The following LNP1 variants were observed in gnomAD, a reference collection of about 807,000 sequenced individuals.
LNP1 encodes leukemia NUP98 fusion partner 1.
Under a neutral mutation model 14.5 loss-of-function variants are expected in LNP1, and 12 were observed. The observed-to-expected ratio is 0.83, with a 90% CI of 0.53 to 1.34. The LOEUF (loss-of-function observed/expected upper bound fraction) is 1.34. LNP1 is among the 40% of genes most tolerant of loss of function. LNP1 has a pLI of 0.00. For synonymous variants in LNP1, 75 were observed against 71.4 expected, an observed-to-expected ratio of 1.05 and a Z score of -0.26; for missense variants, 198 against 210.9, an observed-to-expected ratio of 0.94 and a Z score of 0.38.
chr3:100,418,348 A>G (rs1707108822), intron 1 of LNP1, among the ~76,000 whole-genome samples: 1 of 151,406 alleles, frequency 6.6e-6, no homozygotes, highest in Admixed American at 6.6e-5. Context: ...ATGAGCCACC[A>G]TGCTCCGCTT....
intron 2 of LNP1, among the ~76,000 whole-genome samples, chr3:100,431,514 A>C (rs1707241655): frequency 6.6e-6 from 1 of 152,214 alleles, no homozygotes; most frequent in South Asian, 2.1e-4. Flanking sequence ...AAAAGTTAAA[A>C]ATATGACTGA....
intron 1 of LNP1, among the ~76,000 whole-genome samples, chr3:100,408,811 G>T (rs557447924): frequency 6.6e-6 from 1 of 152,230 alleles, no homozygotes; most frequent in African/African-American, 2.4e-5. Flanking sequence ...TGTGCTGCCT[G>T]GTCTTGGGGG....
In LNP1 at chr3:100,431,990, GTTTATATATATATA is replaced by G. The variant is rs1250423935; in HGVS notation, c.156+2107_156+2120del. ...AACCTGGGTAACAGAATGAGACCTT[GTTTATATATATATA>G]TATATATATATATATATATATATAT... On this transcript the variant is annotated intron_variant, in intron 2 of 3. Coordinates refer to ENST00000383693, the MANE Select transcript of LNP1 (RefSeq NM_001085451.2). 2.2e-4 allele frequency among the ~76,000 whole-genome samples: 21 copies of G among 94,950 alleles called. 1 individual carries two copies. Among genetic ancestry groups the G allele is most frequent in the African/African-American group, 9.8e-4 (20 of 20,396 alleles). 62.3% of individuals were successfully genotyped at this position (94,950 alleles called of 152,430 possible). A position where few individuals can be genotyped will look rare whatever the true frequency, so the allele number is the denominator to read the frequency against.
At chr3:100,433,428 A>G (rs1477412298) in intron 2 of LNP1, among the ~76,000 whole-genome samples, 3 of 152,194 alleles carry the variant, frequency 2.0e-5, no homozygotes, top group African/African-American at 4.8e-5. Context: ...ATGGTATTCC[A>G]TGGTGTATAT....
chr3:100,432,194 T>C (rs1408992259), intron 2 of LNP1, among the ~76,000 whole-genome samples: 1 of 151,604 alleles, frequency 6.6e-6, no homozygotes, highest in African/African-American at 2.4e-5. Flanking sequence ...TCTCTCAACC[T>C]TTTAATAATC....
intron 1 of LNP1, among the ~76,000 whole-genome samples, chr3:100,407,619 G>T (rs1576224272): frequency 6.6e-6 from 1 of 152,002 alleles, no homozygotes; most frequent in East Asian, 1.9e-4. Context: ...CCTGTACCTG[G>T]CTATTTATAT....
chr3:100,414,511 C>T (rs1472299669), intron 1 of LNP1, among the ~76,000 whole-genome samples: 3 of 151,530 alleles, frequency 2.0e-5, no homozygotes, highest in African/African-American at 7.3e-5. Context: ...CGCACCGCTG[C>T]ACTCCAGCCT....
intron 2 of LNP1, 145 bp from the exon 3 acceptor site, chr3:100,451,574 G>T (rs1707438059): frequency 3.4e-6 from 2 of 594,794 alleles, no homozygotes; most frequent in Admixed American, 3.1e-5. Context: ...TGATTTGGGG[G>T]CCTCAAGTTT....
intron 1 of LNP1, among the ~76,000 whole-genome samples, chr3:100,408,521 G>A (rs562976036): frequency 6.6e-6 from 1 of 152,232 alleles, no homozygotes; most frequent in Non-Finnish European, 1.5e-5. Flanking sequence ...GAGGGGGCCT[G>A]CCTGTTGCTG....
chr3:100,449,598 A>G (rs1259820458), intron 2 of LNP1, among the ~76,000 whole-genome samples: 3 of 152,210 alleles, frequency 2.0e-5, no homozygotes, highest in Admixed American at 6.5e-5. Flanking sequence ...GAAGAAAAAA[A>G]CTTTTGCTCA....
chr3:100,447,002 G>T (rs1193145717), intron 2 of LNP1, among the ~76,000 whole-genome samples: 2 of 152,008 alleles, frequency 1.3e-5, no homozygotes, highest in Non-Finnish European at 2.9e-5. Context: ...CTGTTGGTGG[G>T]AGTGTAAATT....
intron 1 of LNP1, among the ~76,000 whole-genome samples, chr3:100,406,001 G>C (rs1435676427): frequency 6.6e-6 from 1 of 152,096 alleles, no homozygotes; most frequent in African/African-American, 2.4e-5. Flanking sequence ...AATTACCTAT[G>C]TGGGCCGGGT....
At chr3:100,412,517 C>T (rs904611457) in intron 1 of LNP1, among the ~76,000 whole-genome samples, 1 of 152,150 alleles carries the variant, frequency 6.6e-6, no homozygotes, top group East Asian at 1.9e-4. Context: ...TCCCAGAATA[C>T]TTTTTCTGGG....
chr3:100,420,139 T>A (rs937258311), intron 1 of LNP1, among the ~76,000 whole-genome samples: 1 of 152,248 alleles, frequency 6.6e-6, no homozygotes, highest in African/African-American at 2.4e-5. Flanking sequence ...ATGTTGAACA[T>A]CTTTTCCTGT....
chr3:100,443,339 C>A (rs577238159), intron 2 of LNP1, among the ~76,000 whole-genome samples: 1 of 152,322 alleles, frequency 6.6e-6, no homozygotes, highest in East Asian at 1.9e-4. Flanking sequence ...ATTTTTCTCT[C>A]TCCAGTTTCC....
At chr3:100,423,408 A>T (rs1489604880) in intron 1 of LNP1, among the ~76,000 whole-genome samples, 1 of 152,178 alleles carries the variant, frequency 6.6e-6, no homozygotes, top group Non-Finnish European at 1.5e-5. Context: ...CTGTAATCCT[A>T]ACACTTTGGG....
intron 1 of LNP1, among the ~76,000 whole-genome samples, chr3:100,410,488 AG>A (rs1222221866): frequency 6.6e-6 from 1 of 152,190 alleles, no homozygotes; most frequent in African/African-American, 2.4e-5. Context: ...GATACATAGC[AG>A]AGGAGATATC....
chr3:100,426,451 C>T (rs886829110), intron 1 of LNP1, among the ~76,000 whole-genome samples: 1 of 152,188 alleles, frequency 6.6e-6, no homozygotes, highest in African/African-American at 2.4e-5. Context: ...CAGGGCCAAA[C>T]GGCTTTGTTC....
At chr3:100,433,786 T>C (rs1707265619) in intron 2 of LNP1, among the ~76,000 whole-genome samples, 1 of 152,236 alleles carries the variant, frequency 6.6e-6, no homozygotes, top group Non-Finnish European at 1.5e-5. Flanking sequence ...TATCTCATTG[T>C]GGTTTTGATT....
Sources: allele counts gnomAD v4.1 joint callset (sites outside exome capture counted in the v4.1 genomes callset), GRCh38; gene constraint gnomAD v4.1.1; transcripts MANE v1.5; gene names NCBI Gene and HGNC (gene_info 2026-07-23, HGNC 2026-07-21).